The following FAM174B variants were observed in gnomAD, a reference collection of about 807,000 sequenced individuals.
FAM174B encodes the protein family with sequence similarity 174 member B, also known as membrane protein FAM174B.
FAM174B carries 12 observed loss-of-function variants against 10.9 expected under a neutral mutation model. The ratio of observed to expected loss-of-function variants is 1.10; its 90% CI spans 0.71 to 1.79. The LOEUF is 1.79. Among genes scored for constraint, FAM174B ranks in the 40% most tolerant of loss-of-function variants. The probability of loss-of-function intolerance (pLI) is 0.00; values close to 1 mark genes in which losing one functional copy is unlikely to be tolerated. For synonymous variants in FAM174B, 132 were observed against 115.8 expected (o/e 1.14, Z -0.90); for missense variants, 266 against 233.3 (o/e 1.14, Z -0.91).
chr15:92,622,145 G>A (rs2141947246), intron 2 of FAM174B, among the ~76,000 whole-genome samples: 1 of 152,304 alleles, frequency 6.6e-6, no homozygotes, highest in Middle Eastern at 3.4e-3. Flanking sequence ...GTAAGTGTCT[G>A]GGCATCCCAC....
At chr15:92,624,978 C>A (rs183882766) in intron 2 of FAM174B, among the ~76,000 whole-genome samples, 5 of 152,362 alleles carry the variant, frequency 3.3e-5, no homozygotes, top group Middle Eastern at 3.4e-3. Context: ...AGCATCCACA[C>A]AACTGCACAC....
At chr15:92,619,786 G>A (rs1240026814) in intron 2 of FAM174B, 11 of 406,846 alleles carry the variant, frequency 2.7e-5, no homozygotes, top group African/African-American at 1.8e-4. Flanking sequence ...TTCTGTGACA[G>A]TCCAGAGAGG....
chr15:92,655,597 A>T lies in FAM174B; in HGVS notation c.63T>A (p.Ala21=). ...LPLLLLALLA[A]PAARASRAES... ...CGGCTCTGCTGGCGCGGGCGGCGGG[A>T]GCGGCCAGGAGCGCGAGCAGCAGCA... The change falls in exon 1 of 3, where the codon GCT becomes GCA. Residue 21 remains alanine (A), a synonymous_variant. Coordinates refer to ENST00000327355, the MANE Select transcript of FAM174B (RefSeq NM_207446.3). 19 of 1,279,522 alleles carry T rather than the reference A, an allele frequency of 1.5e-5. No homozygotes were observed. The highest frequency in any genetic ancestry group is 1.9e-5 in the Non-Finnish European group (19 of 1,015,886). The allele number at this position is 1,279,522 out of a possible 1,614,324, so 79.3% of individuals were successfully genotyped here.
At chr15:92,619,818 T>G in intron 2 of FAM174B, 14 of 304,662 alleles carry the variant, frequency 4.6e-5, no homozygotes, top group East Asian at 1.2e-4. Context: ...ACTCTGCAGA[T>G]CCCACAATCA....
At chr15:92,623,595 G>A (rs2050733962) in intron 2 of FAM174B, among the ~76,000 whole-genome samples, 1 of 152,190 alleles carries the variant, frequency 6.6e-6, no homozygotes, top group South Asian at 2.1e-4. Context: ...TTGTCCGGCA[G>A]GCAAAATAGC....
intron 1 of FAM174B, among the ~76,000 whole-genome samples, chr15:92,653,505 G>A (rs1035087695): frequency 1.3e-5 from 2 of 152,236 alleles, no homozygotes; most frequent in Non-Finnish European, 2.9e-5. Context: ...CAGGAAGTCC[G>A]TAGATGACAA....
At position 92,631,383 on chromosome 15, in the gene FAM174B, ATATATTATATATTATATTATATT is replaced by A. The variant is rs1567045422; in HGVS notation, c.345-1061_345-1039del. On this transcript the variant is annotated intron_variant, in intron 1 of 2. Coordinates refer to ENST00000327355, the MANE Select transcript of FAM174B (RefSeq NM_207446.3). ...TATATTATATTATATATAATATATT[ATATATTATATATTATATTATATT>A]ATATATAATATATAATATATAATAT... Among the ~76,000 whole-genome samples the A allele has an allele frequency of 8.3e-3, 266 of 32,094 alleles. 78 individuals are homozygous for A. The highest frequency in any genetic ancestry group is 0.046 in the African/African-American group (246 of 5,404). The allele number at this position is 32,094 out of a possible 152,430, so 21.1% of individuals were successfully genotyped here.
At chr15:92,631,772 A>G (rs1161481839) in intron 1 of FAM174B, among the ~76,000 whole-genome samples, 1 of 151,670 alleles carries the variant, frequency 6.6e-6, no homozygotes, top group Non-Finnish European at 1.5e-5. Context: ...CTGGGATCAC[A>G]GGCGTTAGCC....
chr15:92,624,570 T>G (rs12917341), intron 2 of FAM174B, among the ~76,000 whole-genome samples: 30,814 of 152,236 alleles, frequency 0.2, 3,970 homozygotes, highest in Non-Finnish European at 0.29. Context: ...TGCTGCAAAC[T>G]GCACAAAAAT....
chr15:92,631,400 T>TTATATATTATATAATATATAATATATTA lies in FAM174B; in HGVS notation c.345-1056_345-1055insTAATATATTATATATTATATAATATATA, dbSNP rs1555421158. ...AATATATTATATATTATATATTATATTATATTATATATAATATATAATATA... is the reference window on the plus strand; with the variant it reads ...AATATATTATATATTATATATTATATTATATATTATATAATATATAATATATTATATATTATATATAATATATAATATA... On this transcript the variant is annotated intron_variant, in intron 1 of 2. Coordinates refer to ENST00000327355, the MANE Select transcript of FAM174B (RefSeq NM_207446.3). Among the ~76,000 whole-genome samples, 20 of 31,440 alleles carry TTATATATTATATAATATATAATATATTA rather than the reference T, an allele frequency of 6.4e-4. 3 individuals are homozygous for TTATATATTATATAATATATAATATATTA. The highest frequency in any genetic ancestry group is 2.6e-3 in the Admixed American group (5 of 1,954). The allele number at this position is 31,440 out of a possible 152,430, so 20.6% of individuals were successfully genotyped here. A position where few individuals can be genotyped will look rare whatever the true frequency, so the allele number is the denominator to read the frequency against.
Position 92,655,679 on chromosome 15 carries a change from G to A in FAM174B, c.-20C>T, listed in dbSNP as rs1273791129. ...GCGCATAGTGCGGTGGGTCGGCACAGGATCGGGCAGGGCGCGCGCGGCTGA... is the reference window on the plus strand; with the variant it reads ...GCGCATAGTGCGGTGGGTCGGCACAAGATCGGGCAGGGCGCGCGCGGCTGA... On this transcript the variant is annotated 5_prime_UTR_variant, in exon 1 of 3. Coordinates refer to ENST00000327355, the MANE Select transcript of FAM174B (RefSeq NM_207446.3). 4 of 1,245,600 alleles carry A rather than the reference G, an allele frequency of 3.2e-6. No individual in the cohort carries two copies. The highest frequency in any genetic ancestry group is 1.0e-6 in the Non-Finnish European group (1 of 997,214). The allele number at this position is 1,245,600 out of a possible 1,614,324, so 77.2% of individuals were successfully genotyped here.
At chr15:92,623,732 G>A (rs2050735117) in intron 2 of FAM174B, among the ~76,000 whole-genome samples, 1 of 152,230 alleles carries the variant, frequency 6.6e-6, no homozygotes, top group Admixed American at 6.5e-5. Flanking sequence ...GTGAACGACG[G>A]AGAAGCCGGA....
At position 92,618,534 on chromosome 15, in the gene FAM174B, T is replaced by G. The variant is rs2050694931; in HGVS notation, c.*922A>C. On this transcript the variant is annotated 3_prime_UTR_variant, in exon 3 of 3. Transcript: ENST00000327355. ...AATATAGTCCCCTGACAGTGTGATT[T>G]TTTCCAGCCAGCCAAATCACCGTTC... 6.6e-6 allele frequency: 1 copy of G among 152,574 alleles called. No individual in the cohort carries two copies. Among genetic ancestry groups the G allele is most frequent in the African/African-American group, 2.4e-5 (1 of 41,428 alleles). The allele number at this position is 152,574 out of a possible 1,614,324, so 9.5% of individuals were successfully genotyped here. A position where few individuals can be genotyped will look rare whatever the true frequency, so the allele number is the denominator to read the frequency against.
At chr15:92,634,033 ATC>A (rs2050836661) in intron 1 of FAM174B, among the ~76,000 whole-genome samples, 1 of 152,182 alleles carries the variant, frequency 6.6e-6, no homozygotes, top group Non-Finnish European at 1.5e-5. Context: ...ACAGCCCTAA[ATC>A]TCTCTCCGGA....
chr15:92,621,796 A>G (rs2141946970), intron 2 of FAM174B, among the ~76,000 whole-genome samples: 1 of 151,952 alleles, frequency 6.6e-6, no homozygotes, highest in East Asian at 1.9e-4. Flanking sequence ...TCACAAACCA[A>G]CATCTCGGAG....
chr15:92,640,287 C>T (rs2050882092), intron 1 of FAM174B, among the ~76,000 whole-genome samples: 1 of 152,090 alleles, frequency 6.6e-6, no homozygotes, highest in Admixed American at 6.5e-5. Flanking sequence ...AGCAGTGGCT[C>T]ACACTTGTAA....
At chr15:92,646,156 C>G (rs1489646167) in intron 1 of FAM174B, among the ~76,000 whole-genome samples, 1 of 152,202 alleles carries the variant, frequency 6.6e-6, no homozygotes, top group Non-Finnish European at 1.5e-5. Context: ...CTGCACCCCC[C>G]ACACCAGCCA....
chr15:92,631,400 T>A (rs1407495851), intron 1 of FAM174B, among the ~76,000 whole-genome samples: 897 of 31,410 alleles, frequency 0.029, 100 homozygotes, highest in Non-Finnish European at 0.037. Context: ...ATATATTATA[T>A]TATATTATAT....
At chr15:92,625,261 C>T (rs1053964142) in intron 2 of FAM174B, among the ~76,000 whole-genome samples, 1 of 151,966 alleles carries the variant, frequency 6.6e-6, no homozygotes, top group East Asian at 1.9e-4. Context: ...GAAAAAAAAG[C>T]CTGTCTGATA....
Sources: gnomAD v4.1 joint callset for allele counts (sites outside exome capture counted in the v4.1 genomes callset) on GRCh38, gnomAD v4.1.1 for gene constraint, MANE v1.5 for transcripts, NCBI Gene and HGNC (gene_info 2026-07-23, HGNC 2026-07-21) for gene names.